Variants in EXOC4 observed in about 807,000 individuals in gnomAD.
The protein encoded by EXOC4 is exocyst complex component 4.
EXOC4 carries 71 observed loss-of-function variants against 107.2 expected under a neutral mutation model. The ratio of observed to expected loss-of-function variants is 0.66; its 90% CI spans 0.55 to 0.81. EXOC4 has a LOEUF of 0.81. EXOC4 is among the 30% of genes least tolerant of loss of function. The pLI, the probability that EXOC4 is intolerant of heterozygous loss-of-function variation, is 0.00. For synonymous variants in EXOC4, 456 were observed against 441.2 expected (o/e 1.03, Z -0.42); for missense variants, 1,108 against 1,189.6 (o/e 0.93, Z 1.01).
chr7:133,477,675 A>G (rs995046997), intron 8 of EXOC4, among the ~76,000 whole-genome samples: 1 of 152,234 alleles, frequency 6.6e-6, no homozygotes, highest in African/African-American at 2.4e-5. Context: ...ACCTGGGAGC[A>G]ACATTACTGG....
chr7:133,553,596 A>G (rs888925777), intron 9 of EXOC4, among the ~76,000 whole-genome samples: 1 of 152,162 alleles, frequency 6.6e-6, no homozygotes, highest in Non-Finnish European at 1.5e-5. Context: ...TTTCTACTCA[A>G]CAAAATCTGA....
At chr7:133,798,527 A>G (rs1796863634) in intron 10 of EXOC4, among the ~76,000 whole-genome samples, 1 of 149,748 alleles carries the variant, frequency 6.7e-6, no homozygotes, top group East Asian at 2.0e-4. Context: ...CACGAGGTGA[A>G]TTTAAGATAC....
At chr7:133,831,792 T>C (rs1305989571) in intron 11 of EXOC4, among the ~76,000 whole-genome samples, 1 of 152,206 alleles carries the variant, frequency 6.6e-6, no homozygotes, top group Non-Finnish European at 1.5e-5. Context: ...AACATATATG[T>C]GTATATACTA....
intron 6 of EXOC4, among the ~76,000 whole-genome samples, chr7:133,374,065 C>T (rs1323702039): frequency 6.6e-6 from 1 of 152,096 alleles, no homozygotes; most frequent in Non-Finnish European, 1.5e-5. Context: ...AATTATTTTG[C>T]ATCTATGCCA....
At chr7:133,950,095 G>A (rs145008241) in intron 14 of EXOC4, among the ~76,000 whole-genome samples, 91 of 152,252 alleles carry the variant, frequency 6.0e-4, no homozygotes, top group Middle Eastern at 3.4e-3. Flanking sequence ...GTATGGCAAA[G>A]ATGAGGTATT....
rs576835911 is a variant in EXOC4, at chr7:133,323,244, G to A, written c.763+5854G>A. 3.9e-5 allele frequency among the ~76,000 whole-genome samples: 6 copies of A among 152,100 alleles called. No homozygotes were observed. In the South Asian group the frequency reaches 1.2e-3, roughly 32 times the overall value. ...ATTGCCCTGGCCAGAACTTCCAATA[G>A]TATGTTGAATAGGAGTGGTGAGAGA... is the stretch of plus-strand genomic sequence containing the variant. On this transcript the variant is annotated intron_variant, in intron 5 of 17. Transcript: ENST00000253861.
Position 133,730,517 on chromosome 7 carries a change from AAG to A in EXOC4, c.1515-86807_1515-86806del, listed in dbSNP as rs1232805428. ...AAAAAACAGCTTTCTGATATAACGA[AAG>A]TCAACTTGGTGAGCTACCAGCTGTT... On this transcript the variant is annotated intron_variant, in intron 10 of 17. Coordinates refer to ENST00000253861, the MANE Select transcript of EXOC4 (RefSeq NM_021807.4). 1.8e-4 allele frequency among the ~76,000 whole-genome samples: 27 copies of A among 152,162 alleles called. No individual in the cohort carries two copies. The East Asian group carries it at 5.2e-3, about 29-fold the overall frequency.
intron 10 of EXOC4, among the ~76,000 whole-genome samples, chr7:133,658,801 G>T (rs1803362667): frequency 6.6e-6 from 1 of 152,120 alleles, no homozygotes; most frequent in South Asian, 2.1e-4. Flanking sequence ...GAGTAAAGAT[G>T]TGGTGTTTAA....
At chr7:133,950,150 C>G (rs1249250070) in intron 14 of EXOC4, among the ~76,000 whole-genome samples, 1 of 152,086 alleles carries the variant, frequency 6.6e-6, no homozygotes, top group Non-Finnish European at 1.5e-5. Context: ...AGAGTATTAT[C>G]AGAACTATTA....
At chr7:133,450,234 G>A (rs775802130) in intron 7 of EXOC4, among the ~76,000 whole-genome samples, 12 of 152,084 alleles carry the variant, frequency 7.9e-5, no homozygotes, top group Non-Finnish European at 1.8e-4. Flanking sequence ...GCACAGTGCA[G>A]CTCACTGCAG....
At chr7:133,717,595 C>A (rs923370635) in intron 10 of EXOC4, among the ~76,000 whole-genome samples, 1 of 152,290 alleles carries the variant, frequency 6.6e-6, no homozygotes, top group Non-Finnish European at 1.5e-5. Context: ...CAGTGCCCAG[C>A]ACGGTACTTG....
intron 14 of EXOC4, among the ~76,000 whole-genome samples, chr7:133,938,720 A>C (rs1032492231): frequency 7.2e-5 from 11 of 152,254 alleles, no homozygotes; most frequent in African/African-American, 2.4e-4. Flanking sequence ...ATTATATTTA[A>C]AGCATTACTT....
In EXOC4 at chr7:134,064,634, TTTA is replaced by T; in HGVS notation, c.*107_*109del. The stretch of plus-strand genomic sequence containing the variant: ...AGCTTAGTTTTCTCTACAGTGATAC[TTTA>T]GTGGAGAGGAGGTGTAAGGATTCTT... On this transcript the variant is annotated 3_prime_UTR_variant, in exon 18 of 18. Transcript: ENST00000253861. 1 of 736,354 alleles carries T rather than the reference TTTA, an allele frequency of 1.4e-6. No individual in the cohort carries two copies. Among genetic ancestry groups the T allele is most frequent in the Non-Finnish European group, 2.1e-6 (1 of 466,802 alleles). The allele number at this position is 736,354 out of a possible 1,614,324, so 45.6% of individuals were successfully genotyped here.
intron 13 of EXOC4, chr7:133,930,380 T>C (rs1800150122): frequency 6.6e-6 from 1 of 152,218 alleles, no homozygotes; most frequent in Non-Finnish European, 1.5e-5. Context: ...TAAAGAAAGA[T>C]GCATTCTTTT....
chr7:133,769,246 TTAAAG>T (rs1422057425), intron 10 of EXOC4, among the ~76,000 whole-genome samples: 1 of 151,912 alleles, frequency 6.6e-6, no homozygotes, highest in African/African-American at 2.4e-5. Context: ...TATCCGGAAC[TTAAAG>T]TAAAATAAAA....
At chr7:133,374,773 C>T in intron 6 of EXOC4, 55 bp from the exon 7 acceptor site, 1 of 1,434,258 alleles carries the variant, frequency 7.0e-7, no homozygotes, top group Non-Finnish European at 9.6e-7. Flanking sequence ...TCACTGTAAG[C>T]CATTTATCTG....
chr7:133,857,760 T>A (rs1397230393), intron 11 of EXOC4, among the ~76,000 whole-genome samples: 1 of 152,002 alleles, frequency 6.6e-6, no homozygotes, highest in Non-Finnish European at 1.5e-5. Flanking sequence ...GGGAATGTGG[T>A]GACATCTGAA....
At chr7:133,884,949 G>C (rs1799048861) in intron 11 of EXOC4, among the ~76,000 whole-genome samples, 1 of 152,102 alleles carries the variant, frequency 6.6e-6, no homozygotes, top group African/African-American at 2.4e-5. Flanking sequence ...GTGAAGTTAA[G>C]AGTACTATTG....
At chr7:133,934,502 G>A (rs1233042641) in intron 13 of EXOC4, among the ~76,000 whole-genome samples, 2 of 152,206 alleles carry the variant, frequency 1.3e-5, no homozygotes, top group African/African-American at 4.8e-5. Context: ...GAGCCAGAGG[G>A]AAACGGGATA....
Sources: allele counts gnomAD v4.1 joint callset (sites outside exome capture counted in the v4.1 genomes callset), GRCh38; gene constraint gnomAD v4.1.1; transcripts MANE v1.5; gene names NCBI Gene and HGNC (gene_info 2026-07-23, HGNC 2026-07-21).